Variants in NOL7 observed in about 807,000 individuals in gnomAD.
NOL7 encodes nucleolar protein 7, also known as U3 small nucleolar RNA-associated protein NOL7.
NOL7 carries 36 observed loss-of-function variants against 38.4 expected under a neutral mutation model. That is an observed-to-expected ratio of 0.94 (90% CI 0.72 to 1.24). The LOEUF is 1.24. NOL7 is among the 50% of genes most tolerant of loss of function. NOL7 has a pLI of 0.00. For missense variants in NOL7, 350 were observed against 315.1 expected, an observed-to-expected ratio of 1.11 and a Z score of -0.84; for synonymous variants, 142 against 126.5, an observed-to-expected ratio of 1.12 and a Z score of -0.82.
In NOL7 at chr6:13,620,305, G is replaced by A. The variant is rs768839852; in HGVS notation, c.598G>A (p.Gly200Arg). ...AGCCTTCATACATAATTCATTATAT[G>A]GGCCAGGAACCAACAGGACTACTGG... ...AQAFIHNSLY[G>R]PGTNRTTVNK... The change falls in exon 6 of 8, where the codon GGG becomes AGG. Residue 200 changes from glycine to arginine, a missense_variant. Gly to Arg is a moderately radical substitution (Grantham distance 125). Transcript: ENST00000451315. The A allele has an allele frequency of 5.0e-6, 8 of 1,614,166 alleles. No individual in the cohort carries two copies. In the South Asian group the frequency reaches 7.7e-5, roughly 16 times the overall value.
At chr6:13,628,306 G>C (rs905185381) in intron 8 of NOL7, among the ~76,000 whole-genome samples, 1 of 152,144 alleles carries the variant, frequency 6.6e-6, no homozygotes, top group African/African-American at 2.4e-5. Flanking sequence ...GTGATGACCA[G>C]GACCTAGTCA....
At chr6:13,623,600 G>A (rs913850347), downstream of NOL7, among the ~76,000 whole-genome samples, 8 of 152,068 alleles carry the variant, frequency 5.3e-5, no homozygotes, top group Non-Finnish European at 1.0e-4. Flanking sequence ...ACATCTACAG[G>A]GAATATTTTT....
chr6:13,626,057 AG>A (rs1274718063), downstream of NOL7, among the ~76,000 whole-genome samples: 1 of 152,232 alleles, frequency 6.6e-6, no homozygotes, highest in African/African-American at 2.4e-5. Flanking sequence ...GTACTGGTGT[AG>A]GGAGAGTGGA....
At chr6:13,629,078 A>T (rs561266660) in intron 8 of NOL7, among the ~76,000 whole-genome samples, 150 of 152,298 alleles carry the variant, frequency 9.8e-4, no homozygotes, top group African/African-American at 3.5e-3. Context: ...GCAATGTTGA[A>T]ATAAACCTAT....
chr6:13,629,090 C>T (rs1173388988), intron 8 of NOL7, among the ~76,000 whole-genome samples: 2 of 151,220 alleles, frequency 1.3e-5, no homozygotes, highest in Admixed American at 6.7e-5. Context: ...TAAACCTATA[C>T]AGCAACAATA....
chr6:13,627,301 C>T (rs1222890951), intron 8 of NOL7, among the ~76,000 whole-genome samples: 6 of 152,112 alleles, frequency 3.9e-5, no homozygotes, highest in Non-Finnish European at 8.8e-5. Context: ...ATATATGACC[C>T]TTTATCCTGT....
chr6:13,632,453 G>T lies in NOL7; in HGVS notation n.634G>T, dbSNP rs769985943. ...ATTGCTTGCAGCTCTCGTCCAAAGT[G>T]GATCATTCTTTCTATGGCGGCCTGA... On this transcript the variant is annotated non_coding_transcript_exon_variant, in exon 9 of 9. Coordinates refer to the NOL7 transcript ENST00000474485. 29 of 1,613,708 alleles carry T rather than the reference G, an allele frequency of 1.8e-5. No homozygotes were observed. Among genetic ancestry groups the T allele is most frequent in the Middle Eastern group, 1.6e-4 (1 of 6,082 alleles).
chr6:13,631,727 AC>A (rs1425063793), intron 8 of NOL7, among the ~76,000 whole-genome samples: 16 of 152,342 alleles, frequency 1.1e-4, no homozygotes, highest in African/African-American at 3.4e-4. Context: ...CATCTCTACA[AC>A]TGCAATGCTG....
chr6:13,618,199 T>G (rs897142843), intron 5 of NOL7, 60 bp downstream of exon 5: 1 of 576,388 alleles, frequency 1.7e-6, no homozygotes, highest in African/African-American at 1.9e-5. Flanking sequence ...GTTAAAGTAT[T>G]GGCTAACATG....
At chr6:13,621,748 G>A (rs1008421196), downstream of NOL7, 2 of 152,608 alleles carry the variant, frequency 1.3e-5, no homozygotes, top group South Asian at 4.1e-4. Context: ...AGGAAACAAA[G>A]TTGAAAAAGA....
rs374077593 is a variant in NOL7, at chr6:13,616,394, T to C, written c.328-69T>C. Reference sequence around the variant, plus strand: ...GTAGGGCATTCTTAAAAGCGGTAACTTCAGAAGCAACTCCGGACATACTAT... The same window carrying C: ...GTAGGGCATTCTTAAAAGCGGTAACCTCAGAAGCAACTCCGGACATACTAT... On this transcript the variant is annotated intron_variant, in intron 2 of 7. Transcript: ENST00000451315. The C allele has an allele frequency of 8.0e-5, 92 of 1,150,510 alleles. 1 individual carries two copies. In the South Asian group the frequency reaches 1.2e-3, roughly 15 times the overall value. The allele number at this position is 1,150,510 out of a possible 1,614,324, so 71.3% of individuals were successfully genotyped here. A position where few individuals can be genotyped will look rare whatever the true frequency, so the allele number is the denominator to read the frequency against.
At position 13,620,236 on chromosome 6, in the gene NOL7, C is replaced by T. The variant is rs1343531989; in HGVS notation, c.529C>T (p.Leu177=). The change falls in exon 6 of 8, where the codon CTA becomes TTA. Residue 177 remains leucine, a synonymous_variant. Transcript: ENST00000451315. ...GAATAAAAGCTACTTGGCCGTAAGG[C>T]TAAAAGACCAAGATCTGAGAGATTC... ...SQNKSYLAVR[L]KDQDLRDSRQ... The T allele has an allele frequency of 6.2e-7, 1 of 1,613,914 alleles. No homozygotes were observed. The highest frequency in any genetic ancestry group is 1.3e-5 in the African/African-American group (1 of 74,910).
chr6:13,615,677 C>T lies in NOL7; in HGVS notation c.267-35C>T, dbSNP rs529210944. 3.1e-6 allele frequency: 5 copies of T among 1,614,150 alleles called. No individual in the cohort carries two copies. In the South Asian group the frequency reaches 4.4e-5, roughly 14 times the overall value. ...AACCGCCCTTTCTCGTCCCGCTTGTCCTTCCCTTTGCTGACTTATCACCCT... is the reference window on the plus strand; with the variant it reads ...AACCGCCCTTTCTCGTCCCGCTTGTTCTTCCCTTTGCTGACTTATCACCCT... On this transcript the variant is annotated intron_variant, in intron 1 of 7. Coordinates refer to ENST00000451315, the MANE Select transcript of NOL7 (RefSeq NM_016167.5).
intron 3 of NOL7, among the ~76,000 whole-genome samples, chr6:13,617,176 T>C (rs940186957): frequency 6.6e-5 from 10 of 152,044 alleles, no homozygotes. Context: ...TAAGAGCAAA[T>C]CTATTTGGTG....
In NOL7 at chr6:13,615,406, G is replaced by A. The variant is rs1257101091; in HGVS notation, c.48G>A (p.Glu16=). ...PRASRAPASA[E]AMVDEGQLAS... ...CGTCTCGCGCCCCGGCGTCGGCGGA[G>A]GCGATGGTGGACGAGGGCCAGCTGG... is the stretch of plus-strand genomic sequence containing the variant. Residue 16 remains glutamate, a synonymous_variant, in exon 1 of 8, where the codon GAG becomes GAA. Transcript: ENST00000451315. 6.5e-7 allele frequency: 1 copy of A among 1,541,450 alleles called. No individual in the cohort carries two copies. The highest frequency in any genetic ancestry group is 8.7e-7 in the Non-Finnish European group (1 of 1,143,928).
Position 13,631,672 on chromosome 6 carries a change from T to A in NOL7, n.574-721T>A, listed in dbSNP as rs183764298. 3.3e-5 allele frequency among the ~76,000 whole-genome samples: 5 copies of A among 152,318 alleles called. No homozygotes were observed. The East Asian group carries it at 9.6e-4, about 29-fold the overall frequency. ...TTAATTTCAGTCTTCTTCCAAAATATTCAGAAGAAAATGTTTACAATGAAC... is the reference window on the plus strand; with the variant it reads ...TTAATTTCAGTCTTCTTCCAAAATAATCAGAAGAAAATGTTTACAATGAAC... On this transcript the variant is annotated intron_variant and non_coding_transcript_variant, in intron 8 of 8. Coordinates refer to the NOL7 transcript ENST00000474485.
At chr6:13,626,293 T>TC (rs1336853738), downstream of NOL7, among the ~76,000 whole-genome samples, 1 of 152,200 alleles carries the variant, frequency 6.6e-6, no homozygotes, top group Non-Finnish European at 1.5e-5. Flanking sequence ...AAGCCACACC[T>TC]CTTCAAAACT....
chr6:13,618,502 C>T (rs1358433588), intron 5 of NOL7, among the ~76,000 whole-genome samples: 2 of 152,080 alleles, frequency 1.3e-5, no homozygotes. Flanking sequence ...CCGCCTCGGC[C>T]TCCCAAAGTG....
At chr6:13,616,570 G>T (rs780120209) in intron 3 of NOL7, 49 bp downstream of exon 3, 1 of 1,221,394 alleles carries the variant, frequency 8.2e-7, no homozygotes. Context: ...ACCCATCTTT[G>T]AATTATATAC....
Sources: allele counts gnomAD v4.1 joint callset (sites outside exome capture counted in the v4.1 genomes callset), GRCh38; gene constraint gnomAD v4.1.1; transcripts MANE v1.5; gene names NCBI Gene and HGNC (gene_info 2026-07-23, HGNC 2026-07-21).